The following BEND7 variants were observed in gnomAD, a reference collection of about 807,000 sequenced individuals.
BEND7 encodes BEN domain-containing protein 7.
In BEND7, 28 loss-of-function variants were observed where a neutral mutation model predicts 50.9. That is an observed-to-expected ratio of 0.55 (90% CI 0.41 to 0.75). BEND7 has a LOEUF of 0.75. BEND7 is among the 30% of genes least tolerant of loss of function. The probability of loss-of-function intolerance (pLI) is 0.00; values close to 1 mark genes in which losing one functional copy is unlikely to be tolerated. For synonymous variants in BEND7, 170 were observed against 183.9 expected, an observed-to-expected ratio of 0.92 and a Z score of 0.61; for missense variants, 477 against 491.3, an observed-to-expected ratio of 0.97 and a Z score of 0.28.
intron 8 of BEND7, chr10:13,445,218 G>GT (rs1457209893): frequency 2.0e-5 from 3 of 152,180 alleles, no homozygotes; most frequent in Admixed American, 1.3e-4. Context: ...ATCTGCAAGT[G>GT]TGTTATACTA....
At chr10:13,513,187 T>A (rs1340135091) in intron 2 of BEND7, among the ~76,000 whole-genome samples, 1 of 152,216 alleles carries the variant, frequency 6.6e-6, no homozygotes, top group Non-Finnish European at 1.5e-5. Context: ...TAAATTGATA[T>A]CATGACCTAC....
At chr10:13,489,469 C>T (rs1387932586) in intron 5 of BEND7, among the ~76,000 whole-genome samples, 5 of 152,234 alleles carry the variant, frequency 3.3e-5, no homozygotes, top group Non-Finnish European at 7.4e-5. Flanking sequence ...GGACACACTC[C>T]ACTTTTCTTG....
chr10:13,500,593 T>C (rs974055948), intron 2 of BEND7: 5 of 987,400 alleles, frequency 5.1e-6, no homozygotes, highest in Admixed American at 6.0e-5. Context: ...ACTGACACAA[T>C]GTCCTTCAGG....
intron 2 of BEND7, among the ~76,000 whole-genome samples, chr10:13,514,870 C>T (rs2078549191): frequency 6.6e-6 from 1 of 152,170 alleles, no homozygotes; most frequent in Non-Finnish European, 1.5e-5. Context: ...GGTACCTGAA[C>T]CTTGCGCTTC....
chr10:13,443,848 A>G (rs964747207), intron 8 of BEND7: 6 of 152,244 alleles, frequency 3.9e-5, no homozygotes, highest in Non-Finnish European at 7.3e-5. Flanking sequence ...ATAAATAAAT[A>G]AAATGGAGAA....
chr10:13,485,194 C>T (rs1208441261), intron 5 of BEND7, among the ~76,000 whole-genome samples: 1 of 152,144 alleles, frequency 6.6e-6, no homozygotes, highest in East Asian at 1.9e-4. Flanking sequence ...TTTAGGAGAT[C>T]ATGCTAGTTA....
At chr10:13,467,328 T>C (rs2074350390) in intron 6 of BEND7, among the ~76,000 whole-genome samples, 1 of 152,150 alleles carries the variant, frequency 6.6e-6, no homozygotes, top group Non-Finnish European at 1.5e-5. Flanking sequence ...GTAGGAAAAC[T>C]AGGAAACGGC....
At chr10:13,476,299 A>G (rs373638977) in intron 6 of BEND7, among the ~76,000 whole-genome samples, 13 of 152,290 alleles carry the variant, frequency 8.5e-5, no homozygotes, top group African/African-American at 3.1e-4. Flanking sequence ...GAGGGCTACC[A>G]AACAAGGAGT....
chr10:13,490,895 C>T (rs1363423630), intron 5 of BEND7, among the ~76,000 whole-genome samples: 1 of 152,018 alleles, frequency 6.6e-6, no homozygotes, highest in East Asian at 1.9e-4. Flanking sequence ...CCTCTGCCTC[C>T]TGGGTTCAAG....
chr10:13,508,731 T>C (rs573919331), intron 2 of BEND7, among the ~76,000 whole-genome samples: 3 of 152,292 alleles, frequency 2.0e-5, no homozygotes, highest in Admixed American at 1.3e-4. Context: ...ATATTTACTG[T>C]ACTACTACTA....
intron 2 of BEND7, among the ~76,000 whole-genome samples, chr10:13,516,735 A>G (rs954021960): frequency 6.6e-6 from 1 of 152,192 alleles, no homozygotes; most frequent in South Asian, 2.1e-4. Flanking sequence ...AAAGGAAAAA[A>G]AAATTATTTA....
At chr10:13,476,150 A>G (rs1193266736) in intron 6 of BEND7, among the ~76,000 whole-genome samples, 1 of 152,216 alleles carries the variant, frequency 6.6e-6, no homozygotes, top group Non-Finnish European at 1.5e-5. Flanking sequence ...GATGACAAAT[A>G]TGGACCCTAC....
chr10:13,447,536 CTTTTTTTTTTTT>C (rs11346528), intron 7 of BEND7, among the ~76,000 whole-genome samples: 1 of 86,108 alleles, frequency 1.2e-5, no homozygotes, highest in East Asian at 3.3e-4. Flanking sequence ...CGTATTAAAA[CTTTTTTTTTTTT>C]TTTTTTTTTT....
chr10:13,478,933 A>C (rs2075657322), intron 6 of BEND7, among the ~76,000 whole-genome samples: 1 of 152,130 alleles, frequency 6.6e-6, no homozygotes, highest in Admixed American at 6.5e-5. Flanking sequence ...TATTGGGAGC[A>C]AAGACCTCAT....
intron 5 of BEND7, among the ~76,000 whole-genome samples, chr10:13,481,332 T>C (rs1564326360): frequency 6.6e-6 from 1 of 152,178 alleles, no homozygotes; most frequent in Non-Finnish European, 1.5e-5. Flanking sequence ...CTAATTCCAA[T>C]ATTGAGCCTT....
chr10:13,527,878 T>C, intron 1 of BEND7: 4 of 978,504 alleles, frequency 4.1e-6, no homozygotes, highest in Non-Finnish European at 4.9e-6. Context: ...GGATTTCTTT[T>C]CTTTCTTTTC....
Position 13,441,639 on chromosome 10 carries a change from A to C in BEND7, c.*104T>G. On this transcript the variant is annotated 3_prime_UTR_variant, in exon 9 of 9. Transcript: ENST00000466271. ...TTAACACGGCGAAAGGTCACCAATT[A>C]ATCTTCTCCCTTCCCTTGGGTAGTA... is the stretch of plus-strand genomic sequence containing the variant. 1 of 1,586,610 alleles carries C rather than the reference A, an allele frequency of 6.3e-7. No homozygotes were observed.
chr10:13,522,585 C>A (rs150505606), intron 2 of BEND7, among the ~76,000 whole-genome samples: 4 of 152,128 alleles, frequency 2.6e-5, no homozygotes, highest in Admixed American at 6.5e-5. Flanking sequence ...TGCTTATTGG[C>A]GGCTCCCTCA....
At chr10:13,439,379 C>T (rs1835064642), downstream of BEND7, 2 of 1,614,152 alleles carry the variant, frequency 1.2e-6, no homozygotes, top group South Asian at 2.2e-5. Flanking sequence ...GATGCTGCTC[C>T]TCCCAGGGTT....
Sources: allele counts gnomAD v4.1 joint callset (sites outside exome capture counted in the v4.1 genomes callset), GRCh38; gene constraint gnomAD v4.1.1; transcripts MANE v1.5; gene names NCBI Gene and HGNC (gene_info 2026-07-23, HGNC 2026-07-21).